Variants in FOXP1 observed in about 807,000 individuals in gnomAD.
The protein encoded by FOXP1 is forkhead box protein P1.
A neutral mutation model predicts 98.2 loss-of-function variants in FOXP1; 15 were observed. The ratio of observed to expected loss-of-function variants is 0.15; its 90% CI spans 0.10 to 0.24. The LOEUF is 0.24. FOXP1 is among the 10% of genes least tolerant of loss of function. The pLI, the probability that FOXP1 is intolerant of heterozygous loss-of-function variation, is 1.00. For synonymous variants in FOXP1, 371 were observed against 314.5 expected (o/e 1.18, Z -1.90); for missense variants, 633 against 848.5 (o/e 0.75, Z 3.15).
chr3:71,196,188 T>C (rs2063289813), intron 6 of FOXP1, among the ~76,000 whole-genome samples: 1 of 152,214 alleles, frequency 6.6e-6, no homozygotes, highest in African/African-American at 2.4e-5. Flanking sequence ...TATAAAAGTC[T>C]AATCATAATA....
intron 6 of FOXP1, among the ~76,000 whole-genome samples, chr3:71,179,263 G>C (rs1037112210): frequency 6.6e-6 from 1 of 151,264 alleles, no homozygotes; most frequent in Non-Finnish European, 1.5e-5. Flanking sequence ...CGAGTAGCTG[G>C]GATTACAGGT....
At chr3:71,445,731 A>T (rs1466491257) in intron 3 of FOXP1, among the ~76,000 whole-genome samples, 1 of 147,268 alleles carries the variant, frequency 6.8e-6, no homozygotes. Context: ...CTTGTTGCCC[A>T]GGCTGGAGTG....
intron 2 of FOXP1, among the ~76,000 whole-genome samples, chr3:71,539,646 T>A (rs1430233152): frequency 6.6e-6 from 1 of 152,192 alleles, no homozygotes; most frequent in Admixed American, 6.5e-5. Flanking sequence ...GTCTTTAACT[T>A]CTTTCAAGAA....
At chr3:71,159,371 T>C (rs536923903) in intron 6 of FOXP1, among the ~76,000 whole-genome samples, 1 of 152,168 alleles carries the variant, frequency 6.6e-6, no homozygotes, top group Non-Finnish European at 1.5e-5. Context: ...ACTTAATAAC[T>C]GCCTTCAAGT....
intron 2 of FOXP1, among the ~76,000 whole-genome samples, chr3:71,551,973 T>A (rs1262522204): frequency 2.0e-5 from 3 of 152,186 alleles, no homozygotes; most frequent in African/African-American, 7.2e-5. Flanking sequence ...CTTTATTTTA[T>A]CCTAATTTTC....
intron 2 of FOXP1, among the ~76,000 whole-genome samples, chr3:71,548,282 C>T (rs1410918277): frequency 6.6e-6 from 1 of 152,226 alleles, no homozygotes; most frequent in African/African-American, 2.4e-5. Context: ...TAAACACACA[C>T]ATACACAAAT....
At chr3:71,101,572 GATGGAGAC>G (rs780379309) in intron 7 of FOXP1, among the ~76,000 whole-genome samples, 1 of 151,328 alleles carries the variant, frequency 6.6e-6, no homozygotes, top group Non-Finnish European at 1.5e-5. Context: ...AGGTTAGAAG[GATGGAGAC>G]ATGGCCACTA....
At chr3:70,987,604 C>T (rs2039957905) in intron 14 of FOXP1, among the ~76,000 whole-genome samples, 1 of 152,218 alleles carries the variant, frequency 6.6e-6, no homozygotes. Context: ...CTCAGCTTAC[C>T]CGAGCTGAAA....
At chr3:71,038,607 A>T (rs1416340853) in intron 11 of FOXP1, among the ~76,000 whole-genome samples, 1 of 151,982 alleles carries the variant, frequency 6.6e-6, no homozygotes, top group South Asian at 2.1e-4. Context: ...GTAATGCTAC[A>T]TAATATGCAT....
At chr3:71,506,435 C>T (rs1357645130) in intron 2 of FOXP1, among the ~76,000 whole-genome samples, 2 of 151,970 alleles carry the variant, frequency 1.3e-5, no homozygotes, top group African/African-American at 4.8e-5. Context: ...TCCGCACACG[C>T]TCCCTACACT....
At chr3:71,483,591 G>A (rs565649594) in intron 3 of FOXP1, among the ~76,000 whole-genome samples, 7 of 152,222 alleles carry the variant, frequency 4.6e-5, no homozygotes, top group African/African-American at 9.6e-5. Flanking sequence ...TAATTTCGGC[G>A]TCTGTAAATA....
intron 3 of FOXP1, among the ~76,000 whole-genome samples, chr3:71,387,561 A>T (rs780295266): frequency 3.3e-5 from 5 of 152,256 alleles, no homozygotes; most frequent in South Asian, 2.1e-4. Context: ...CACCTGAATG[A>T]CTTAATATTG....
chr3:71,505,672 G>A (rs2041766708), intron 2 of FOXP1, among the ~76,000 whole-genome samples: 2 of 152,224 alleles, frequency 1.3e-5, no homozygotes, highest in Admixed American at 1.3e-4. Context: ...TGATTTGCCT[G>A]CCTCGGCCTC....
intron 5 of FOXP1, among the ~76,000 whole-genome samples, chr3:71,252,825 C>T (rs1210229910): frequency 2.0e-5 from 3 of 152,210 alleles, no homozygotes; most frequent in African/African-American, 4.8e-5. Flanking sequence ...CAATGCCAAC[C>T]GAGTGATAAA....
intron 6 of FOXP1, among the ~76,000 whole-genome samples, chr3:71,115,316 AT>A (rs1559959989): frequency 6.7e-5 from 5 of 75,000 alleles, no homozygotes; most frequent in Non-Finnish European, 1.1e-4. Flanking sequence ...TATTATTATT[AT>A]TTTATTTATT....
At chr3:71,213,345 C>G (rs2108469499) in intron 5 of FOXP1, among the ~76,000 whole-genome samples, 1 of 152,330 alleles carries the variant, frequency 6.6e-6, no homozygotes, top group East Asian at 1.9e-4. Flanking sequence ...AGAATTTTAA[C>G]AATATAATGA....
At chr3:71,057,860 G>T (rs1274550677) in intron 7 of FOXP1, among the ~76,000 whole-genome samples, 2 of 152,090 alleles carry the variant, frequency 1.3e-5, no homozygotes, top group African/African-American at 4.8e-5. Context: ...CTGCTAGTAT[G>T]GGCCTGCTGC....
At chr3:71,429,320 A>C (rs1478191957) in intron 3 of FOXP1, among the ~76,000 whole-genome samples, 3 of 152,124 alleles carry the variant, frequency 2.0e-5, no homozygotes, top group Non-Finnish European at 4.4e-5. Flanking sequence ...CAGGAAAAGA[A>C]ATTATTCTTT....
At chr3:71,393,026 G>A (rs766988612) in intron 3 of FOXP1, among the ~76,000 whole-genome samples, 9 of 151,922 alleles carry the variant, frequency 5.9e-5, no homozygotes, top group Non-Finnish European at 1.0e-4. Flanking sequence ...TGAAGAAATG[G>A]GCTATTTTAT....
Sources: allele counts gnomAD v4.1 joint callset (sites outside exome capture counted in the v4.1 genomes callset), GRCh38; gene constraint gnomAD v4.1.1; transcripts MANE v1.5; gene names NCBI Gene and HGNC (gene_info 2026-07-23, HGNC 2026-07-21).